RTN4: variants seen among roughly 807,000 people sequenced by gnomAD.
RTN4 encodes reticulon 4.
Under a neutral mutation model 90.4 loss-of-function variants are expected in RTN4, and 32 were observed. That is an observed-to-expected ratio of 0.35 (90% CI 0.27 to 0.48). RTN4 has a LOEUF of 0.48. RTN4 is among the 20% of genes least tolerant of loss of function. RTN4 has a pLI of 0.99. For synonymous variants in RTN4, 629 were observed against 552.5 expected (o/e 1.14, Z -1.94); for missense variants, 1,706 against 1,430.2 (o/e 1.19, Z -3.11).
chr2:55,106,596 T>C (rs1667948354), intron 1 of RTN4, among the ~76,000 whole-genome samples: 2 of 152,132 alleles, frequency 1.3e-5, no homozygotes, highest in Admixed American at 1.3e-4. Flanking sequence ...CTCGGCTCAC[T>C]GCAACCTCTG....
At chr2:55,074,570 T>A (rs1474876934) in intron 2 of RTN4, among the ~76,000 whole-genome samples, 1 of 142,736 alleles carries the variant, frequency 7.0e-6, no homozygotes, top group Admixed American at 6.9e-5. Context: ...CCTCCCTAAA[T>A]CATTCTATGA....
chr2:55,074,529 A>G (rs1020679199), intron 2 of RTN4, among the ~76,000 whole-genome samples: 4 of 151,346 alleles, frequency 2.6e-5, no homozygotes, highest in African/African-American at 9.8e-5. Flanking sequence ...AAAAAAAAAA[A>G]AAAAAAAGAA....
At chr2:55,060,094 T>G (rs748475872) in intron 2 of RTN4, among the ~76,000 whole-genome samples, 20 of 151,922 alleles carry the variant, frequency 1.3e-4, no homozygotes, top group African/African-American at 4.6e-4. Flanking sequence ...CCCACAGCAG[T>G]AGTAGGAGAA....
intron 1 of RTN4, among the ~76,000 whole-genome samples, chr2:55,084,647 C>G (rs1163028490): frequency 6.6e-6 from 1 of 152,136 alleles, no homozygotes; most frequent in East Asian, 1.9e-4. Flanking sequence ...GGATTGAGCC[C>G]TTAACCTGTG....
chr2:55,002,466 C>A (rs1406698268), intron 3 of RTN4, among the ~76,000 whole-genome samples: 3 of 152,184 alleles, frequency 2.0e-5, no homozygotes, highest in Non-Finnish European at 4.4e-5. Context: ...ACACGAATTT[C>A]TCTAAGAGAA....
In RTN4 at chr2:55,027,452, GTGT is replaced by G. The variant is rs779450074; in HGVS notation, c.644_646del (p.Asn215del). The G allele has an allele frequency of 6.2e-7, 1 of 1,611,972 alleles. No homozygotes were observed. The highest frequency in any genetic ancestry group is 1.1e-5 in the South Asian group (1 of 90,814). ...GAAATCCTCTTGACCAGCCGAAATA[GTGT>G]TACCTGGCTGCTCCTTCAAGTCCAT... On this transcript the variant is annotated inframe_deletion, in exon 3 of 9. Transcript: ENST00000337526.
At chr2:55,047,584 AAATCAGACTG>A (rs924339101) in intron 1 of RTN4, among the ~76,000 whole-genome samples, 3 of 152,076 alleles carry the variant, frequency 2.0e-5, no homozygotes, top group African/African-American at 7.2e-5. Context: ...AGAAAAAAAA[AAATCAGACTG>A]ATTTTCTTTT....
intron 1 of RTN4, among the ~76,000 whole-genome samples, chr2:55,037,709 G>A (rs1197991864): frequency 2.0e-5 from 3 of 152,126 alleles, no homozygotes; most frequent in Non-Finnish European, 2.9e-5. Context: ...CAAATCCTAA[G>A]ACGTCACTTA....
intron 3 of RTN4, among the ~76,000 whole-genome samples, chr2:54,996,346 C>A (rs1434604522): frequency 3.9e-5 from 6 of 152,102 alleles, no homozygotes; most frequent in African/African-American, 1.4e-4. Context: ...TTGCAAAATT[C>A]ATATGGAAAT....
the RTN4 span, among the ~76,000 whole-genome samples, chr2:55,135,448 C>G: frequency 6.6e-6 from 1 of 152,182 alleles, no homozygotes; most frequent in African/African-American, 2.4e-5. Context: ...CTCAAGTGAT[C>G]TGCCCACCTC....
chr2:55,066,051 C>G (rs1668383953), intron 2 of RTN4, among the ~76,000 whole-genome samples: 1 of 152,072 alleles, frequency 6.6e-6, no homozygotes, highest in South Asian at 2.1e-4. Flanking sequence ...GGTACATTCT[C>G]CAATAGACTA....
At chr2:55,003,442 A>C (rs1047973583) in intron 3 of RTN4, among the ~76,000 whole-genome samples, 4 of 152,192 alleles carry the variant, frequency 2.6e-5, no homozygotes, top group African/African-American at 9.7e-5. Context: ...TGAATCAAAC[A>C]AACTTGAAAG....
chr2:55,128,790 A>G, the RTN4 span, among the ~76,000 whole-genome samples: 1 of 151,956 alleles, frequency 6.6e-6, no homozygotes, highest in African/African-American at 2.4e-5. Flanking sequence ...ACAATTCAAT[A>G]AGAAAAAAGA....
chr2:54,998,997 C>A (rs1284495067), intron 3 of RTN4, among the ~76,000 whole-genome samples: 3 of 152,158 alleles, frequency 2.0e-5, no homozygotes. Flanking sequence ...CATTAAACAT[C>A]CTTTCAAAGA....
chr2:55,065,996 G>A (rs1221611812), intron 2 of RTN4, among the ~76,000 whole-genome samples: 1 of 152,106 alleles, frequency 6.6e-6, no homozygotes, highest in Non-Finnish European at 1.5e-5. Flanking sequence ...TTACAATGTG[G>A]ATGTCATGCT....
At chr2:55,067,780 A>ACTCTT (rs1293104440) in intron 2 of RTN4, among the ~76,000 whole-genome samples, 1 of 151,822 alleles carries the variant, frequency 6.6e-6, no homozygotes, top group Admixed American at 6.6e-5. Flanking sequence ...ATCCCTTTAC[A>ACTCTT]CTCTTCCGTG....
At chr2:55,094,773 T>C (rs1669001791) in intron 1 of RTN4, among the ~76,000 whole-genome samples, 1 of 152,112 alleles carries the variant, frequency 6.6e-6, no homozygotes, top group Non-Finnish European at 1.5e-5. Flanking sequence ...GGTGCTAACA[T>C]CAGGTCTATG....
intron 2 of RTN4, among the ~76,000 whole-genome samples, chr2:55,070,436 C>T (rs530238746): frequency 6.6e-6 from 1 of 151,084 alleles, no homozygotes; most frequent in East Asian, 2.0e-4. Flanking sequence ...GTCCCAGCTA[C>T]TCAGCAGGCT....
intron 3 of RTN4, among the ~76,000 whole-genome samples, chr2:55,021,735 T>C (rs1264639293): frequency 1.3e-5 from 2 of 152,156 alleles, no homozygotes; most frequent in Non-Finnish European, 2.9e-5. Context: ...GAAAATGACA[T>C]CTAGAGAAAC....
Sources: gnomAD v4.1 joint callset for allele counts (sites outside exome capture counted in the v4.1 genomes callset) on GRCh38, gnomAD v4.1.1 for gene constraint, MANE v1.5 for transcripts, NCBI Gene and HGNC (gene_info 2026-07-23, HGNC 2026-07-21) for gene names.